The following SEC24D variants were observed in gnomAD, a reference collection of about 807,000 sequenced individuals.
SEC24D encodes the protein protein transport protein Sec24D.
In SEC24D, 69 loss-of-function variants were observed where a neutral mutation model predicts 116.9. That is an observed-to-expected ratio of 0.59 (90% CI 0.49 to 0.72). The LOEUF (loss-of-function observed/expected upper bound fraction) is 0.72, where lower values mean the gene tolerates loss of function less well. Among genes scored for constraint, SEC24D ranks in the 30% least tolerant of loss-of-function variants. The probability of loss-of-function intolerance (pLI) is 0.00; values close to 1 mark genes in which losing one functional copy is unlikely to be tolerated. For missense variants in SEC24D, 1,131 were observed against 1,264.1 expected (o/e 0.89, Z 1.60); for synonymous variants, 405 against 442.8 (o/e 0.91, Z 1.07).
intron 2 of SEC24D, among the ~76,000 whole-genome samples, chr4:118,829,681 G>A (rs1369392074): frequency 1.3e-5 from 2 of 152,022 alleles, no homozygotes; most frequent in Non-Finnish European, 2.9e-5. Context: ...GTGTGGTGGC[G>A]CATGCCTGTA....
chr4:118,809,616 G>A (rs1171874868), intron 6 of SEC24D, among the ~76,000 whole-genome samples: 1 of 152,168 alleles, frequency 6.6e-6, no homozygotes, highest in South Asian at 2.1e-4. Context: ...GGTCCTGGAT[G>A]AGTCACAGCA....
chr4:118,785,088 T>C (rs1728611361), intron 8 of SEC24D, among the ~76,000 whole-genome samples: 1 of 152,110 alleles, frequency 6.6e-6, no homozygotes, highest in African/African-American at 2.4e-5. Flanking sequence ...GACTCCTAAA[T>C]ACAAGATCCT....
intron 5 of SEC24D, 88 bp from the exon 6 acceptor site, chr4:118,815,243 C>T: frequency 6.7e-7 from 1 of 1,490,476 alleles, no homozygotes. Context: ...TTCAGTCAAG[C>T]ATGTTGTATT....
chr4:118,740,713 C>T lies in SEC24D; in HGVS notation c.2188G>A (p.Glu730Lys). Reference protein sequence around the residue: ...AIDCDKAVTVEFKHDDKLSED... With the variant: ...AIDCDKAVTVKFKHDDKLSED... ...CTGAGTTTGTCATCGTGCTTGAACT[C>T]CACGGTCACTGCCTTGTCACAATCG... Residue 730 changes from glutamate to lysine, a missense_variant, in exon 17 of 23, where the codon GAG (glutamate) becomes AAG (lysine). Coordinates refer to ENST00000280551, the MANE Select transcript of SEC24D (RefSeq NM_014822.4). The T allele has an allele frequency of 6.2e-7, 1 of 1,613,976 alleles. No individual in the cohort carries two copies. Among genetic ancestry groups the T allele is most frequent in the South Asian group, 1.1e-5 (1 of 91,072 alleles).
At chr4:118,824,892 A>G in intron 2 of SEC24D, 143 bp from the exon 3 acceptor site, 1 of 641,794 alleles carries the variant, frequency 1.6e-6, no homozygotes, top group Non-Finnish European at 2.5e-6. Flanking sequence ...CTTAACCATC[A>G]CCTACAGACC....
chr4:118,785,120 T>G (rs1373071882), intron 8 of SEC24D, among the ~76,000 whole-genome samples: 1 of 152,166 alleles, frequency 6.6e-6, no homozygotes, highest in Non-Finnish European at 1.5e-5. Context: ...GGCATTTAAA[T>G]TGTCAATTAC....
intron 13 of SEC24D, among the ~76,000 whole-genome samples, chr4:118,750,245 T>A (rs1039752082): frequency 6.6e-6 from 1 of 152,210 alleles, no homozygotes; most frequent in East Asian, 1.9e-4. Context: ...CTGATTTTCA[T>A]AATGCATCAT....
At chr4:118,791,428 T>C (rs1396327471) in intron 8 of SEC24D, among the ~76,000 whole-genome samples, 1 of 152,202 alleles carries the variant, frequency 6.6e-6, no homozygotes, top group Non-Finnish European at 1.5e-5. Context: ...TCTAACTCTG[T>C]GCCTCAGTTT....
At chr4:118,792,016 G>A (rs1331027957) in intron 8 of SEC24D, among the ~76,000 whole-genome samples, 3 of 149,428 alleles carry the variant, frequency 2.0e-5, no homozygotes, top group Non-Finnish European at 3.0e-5. Flanking sequence ...GCCTCTTCCC[G>A]GCCTCATCCC....
chr4:118,753,273 G>A (rs1054863289), intron 11 of SEC24D, among the ~76,000 whole-genome samples: 1 of 152,038 alleles, frequency 6.6e-6, no homozygotes, highest in African/African-American at 2.4e-5. Context: ...AAGAACAAAT[G>A]GAATATTTGA....
chr4:118,787,562 C>T (rs1436988131), intron 8 of SEC24D, among the ~76,000 whole-genome samples: 2 of 152,100 alleles, frequency 1.3e-5, no homozygotes, highest in Non-Finnish European at 2.9e-5. Context: ...TCTATAATCC[C>T]GGCACTTTGG....
At chr4:118,829,668 C>T (rs536958509) in intron 2 of SEC24D, among the ~76,000 whole-genome samples, 59 of 152,092 alleles carry the variant, frequency 3.9e-4, no homozygotes, top group Non-Finnish European at 5.3e-4. Flanking sequence ...CAAAATTAGC[C>T]GGGTGTGGTG....
At chr4:118,823,412 G>A (rs963205634) in intron 3 of SEC24D, among the ~76,000 whole-genome samples, 1 of 152,192 alleles carries the variant, frequency 6.6e-6, no homozygotes, top group Non-Finnish European at 1.5e-5. Context: ...GAGGACTATA[G>A]GCTTCATGAA....
Position 118,833,704 on chromosome 4 carries a change from A to C in SEC24D, c.-8T>G. 1 of 1,566,982 alleles carries C rather than the reference A, an allele frequency of 6.4e-7. No individual in the cohort carries two copies. The highest frequency in any genetic ancestry group is 8.8e-7 in the Non-Finnish European group (1 of 1,139,804). ...GTAACCTTGTTGACTCATTATGAAA[A>C]TATCATTCCATAGGATAATTCTACA... On this transcript the variant is annotated 5_prime_UTR_variant, in exon 2 of 23. Coordinates refer to ENST00000280551, the MANE Select transcript of SEC24D (RefSeq NM_014822.4).
In SEC24D at chr4:118,805,826, T is replaced by A. The variant is rs747626328; in HGVS notation, c.913+17A>T. Reference sequence around the variant, plus strand: ...AATTTTAAAACCTTAATAAATGGCATAATTAAAAACAAATACCTTGGTCTT... The same window carrying A: ...AATTTTAAAACCTTAATAAATGGCAAAATTAAAAACAAATACCTTGGTCTT... On this transcript the variant is annotated intron_variant, in intron 7 of 22. Coordinates refer to ENST00000280551, the MANE Select transcript of SEC24D (RefSeq NM_014822.4). The A allele has an allele frequency of 7.0e-7, 1 of 1,422,568 alleles. No individual in the cohort carries two copies. The highest frequency in any genetic ancestry group is 9.5e-7 in the Non-Finnish European group (1 of 1,052,740). The allele number at this position is 1,422,568 out of a possible 1,614,324, so 88.1% of individuals were successfully genotyped here.
At chr4:118,755,373 T>A (rs982376634) in intron 11 of SEC24D, among the ~76,000 whole-genome samples, 1 of 150,548 alleles carries the variant, frequency 6.6e-6, no homozygotes, top group African/African-American at 2.4e-5. Context: ...GACAGAGCAA[T>A]ACTGAAGACA....
At chr4:118,822,612 C>G (rs1176352377) in intron 3 of SEC24D, among the ~76,000 whole-genome samples, 3 of 152,134 alleles carry the variant, frequency 2.0e-5, no homozygotes, top group Admixed American at 6.6e-5. Flanking sequence ...CCCTCTGTCA[C>G]CCAGCCTGGA....
intron 7 of SEC24D, among the ~76,000 whole-genome samples, chr4:118,805,595 AT>A (rs1729639970): frequency 6.6e-6 from 1 of 152,210 alleles, no homozygotes; most frequent in African/African-American, 2.4e-5. Flanking sequence ...ATAAATTAAA[AT>A]AAATAATTGT....
rs1440005933 is a variant in SEC24D, at chr4:118,829,613, GAC to G, written c.118+3964_118+3965del. ...GGATTACCTGAGGTCGGGAGTTTGA[GAC>G]CAGCCTGACCAACACAGAGAAACCC... On this transcript the variant is annotated intron_variant, in intron 2 of 22. Coordinates refer to ENST00000280551, the MANE Select transcript of SEC24D (RefSeq NM_014822.4). Among the ~76,000 whole-genome samples the G allele has an allele frequency of 2.0e-5, 3 of 152,266 alleles. No individual in the cohort carries two copies. In the East Asian group the frequency reaches 5.8e-4, roughly 29 times the overall value.
Sources: gnomAD v4.1 joint callset for allele counts (sites outside exome capture counted in the v4.1 genomes callset) on GRCh38, gnomAD v4.1.1 for gene constraint, MANE v1.5 for transcripts, NCBI Gene and HGNC (gene_info 2026-07-23, HGNC 2026-07-21) for gene names.